Variants in DGKG observed in about 807,000 individuals in gnomAD.
DGKG encodes the protein DAG kinase gamma.
A neutral mutation model predicts 105.3 loss-of-function variants in DGKG; 78 were observed. The observed-to-expected ratio is 0.74, with a 90% confidence interval of 0.62 to 0.89. The LOEUF is 0.89. Ranked by LOEUF, DGKG falls within the 40% of genes least tolerant of loss-of-function variation. DGKG has a pLI of 0.00. For synonymous variants in DGKG, 346 were observed against 367.1 expected (o/e 0.94, Z 0.66); for missense variants, 958 against 1,020.1 (o/e 0.94, Z 0.83).
chr3:186,255,911 G>A (rs1214356553), intron 17 of DGKG, among the ~76,000 whole-genome samples: 2 of 152,098 alleles, frequency 1.3e-5, no homozygotes, highest in Non-Finnish European at 2.9e-5. Flanking sequence ...TTCTCTTTGG[G>A]TCACTAACCT....
chr3:186,279,907 C>T lies in DGKG; in HGVS notation c.736G>A (p.Val246Ile), dbSNP rs145576930. Residue 246 changes from valine (V) to isoleucine (I), a missense_variant, in exon 9 of 25, where the codon GTC becomes ATC. By Grantham distance (29) the Val-to-Ile change is conservative. Around this residue, in one of 2 missense-constraint regions of DGKG, gnomAD observed 643 missense variants for 619.5 expected, o/e 1.04. Transcript: ENST00000265022. ...GGGATGGTGGTCATCCCTCCATGGA[C>T]CCATTCCTGTAGAGACACAAAGCCG... is the stretch of plus-strand genomic sequence containing the variant. ...RDGFVSLQEWVHGGMTTIPLL... is the reference protein window; with the variant it reads ...RDGFVSLQEWIHGGMTTIPLL... The T allele has an allele frequency of 5.6e-6, 9 of 1,613,998 alleles. No individual in the cohort carries two copies. The South Asian group carries it at 6.6e-5, about 12-fold the overall frequency.
At chr3:186,283,029 C>T (rs1232619257) in intron 7 of DGKG, among the ~76,000 whole-genome samples, 1 of 151,972 alleles carries the variant, frequency 6.6e-6, no homozygotes, top group Non-Finnish European at 1.5e-5. Flanking sequence ...CTGCCTCAGC[C>T]TCCTGAGTAG....
rs544158654 is a variant in DGKG at position 186,269,586 on chromosome 3, C to T, written c.1000-669G>A. ...GGGGAGCTTTTAGACATCCTAATGC[C>T]CAGCCGACACTCCAGACCAAATAAA... On this transcript the variant is annotated intron_variant, in intron 11 of 24. Coordinates refer to ENST00000265022, the MANE Select transcript of DGKG (RefSeq NM_001346.3). Among the ~76,000 whole-genome samples the T allele has an allele frequency of 8.5e-4, 129 of 152,274 alleles. 1 individual carries two copies. The highest frequency in any genetic ancestry group is 3.0e-3 in the African/African-American group (125 of 41,542).
intron 5 of DGKG, among the ~76,000 whole-genome samples, chr3:186,289,633 G>A (rs531212984): frequency 3.6e-4 from 55 of 152,180 alleles, no homozygotes; most frequent in African/African-American, 7.2e-4. Flanking sequence ...GCTGTCTTCC[G>A]TCTCTACCTC....
intron 20 of DGKG, among the ~76,000 whole-genome samples, chr3:186,216,123 T>C (rs1719280807): frequency 6.6e-6 from 1 of 151,942 alleles, no homozygotes; most frequent in Admixed American, 6.6e-5. Flanking sequence ...CTCAGCCTCC[T>C]GAGTAGCTGG....
chr3:186,207,341 G>T, intron 21 of DGKG: 1 of 586,992 alleles, frequency 1.7e-6, no homozygotes, highest in Non-Finnish European at 2.1e-6. Flanking sequence ...GTACTGCCCC[G>T]AAACTCTCGG....
In DGKG at chr3:186,149,943, C is replaced by T. The variant is rs774391201; in HGVS notation, c.*147G>A. 23 of 1,423,688 alleles carry T rather than the reference C, an allele frequency of 1.6e-5. 1 individual carries two copies. The highest frequency in any genetic ancestry group is 1.9e-4 in the Middle Eastern group (1 of 5,200). 88.2% of individuals were successfully genotyped at this position (1,423,688 alleles called of 1,614,324 possible). A position where few individuals can be genotyped will look rare whatever the true frequency, so the allele number is the denominator to read the frequency against. On this transcript the variant is annotated 3_prime_UTR_variant, in exon 25 of 25. Coordinates refer to ENST00000265022, the MANE Select transcript of DGKG (RefSeq NM_001346.3). ...GTATGGCAAGGTGACGTTTTCTTCCCGAAGGGTGGCTTTGCTTCCACTGGT... is the reference window on the plus strand; with the variant it reads ...GTATGGCAAGGTGACGTTTTCTTCCTGAAGGGTGGCTTTGCTTCCACTGGT...
At chr3:186,222,451 C>A (rs1044060279) in intron 20 of DGKG, among the ~76,000 whole-genome samples, 1 of 152,196 alleles carries the variant, frequency 6.6e-6, no homozygotes, top group Non-Finnish European at 1.5e-5. Context: ...TGCCATGTGA[C>A]CTTGGGCAAA....
intron 22 of DGKG, among the ~76,000 whole-genome samples, chr3:186,173,557 C>T (rs962506998): frequency 7.2e-5 from 11 of 152,258 alleles, no homozygotes; most frequent in Non-Finnish European, 1.5e-4. Context: ...TCCTCGGGCT[C>T]CTCTCCTGCC....
chr3:186,331,053 A>G (rs1158640436), intron 1 of DGKG, among the ~76,000 whole-genome samples: 1 of 152,264 alleles, frequency 6.6e-6, no homozygotes, highest in Non-Finnish European at 1.5e-5. Context: ...TAGTTGGAAA[A>G]TTATAGGCTA....
intron 1 of DGKG, among the ~76,000 whole-genome samples, chr3:186,355,340 C>A (rs1401037396): frequency 1.8e-4 from 8 of 44,014 alleles, no homozygotes; most frequent in African/African-American, 6.6e-4. Context: ...ACTATCACCA[C>A]CACCAACAAC....
chr3:186,351,394 C>A (rs994899562), intron 1 of DGKG, among the ~76,000 whole-genome samples: 2 of 152,134 alleles, frequency 1.3e-5, no homozygotes, highest in African/African-American at 4.8e-5. Flanking sequence ...ACCATAATTA[C>A]CCTAACTACT....
rs188426636 is a variant in DGKG at position 186,265,700 on chromosome 3, A to G, written c.1210-394T>C. Among the ~76,000 whole-genome samples, 466 of 110,640 alleles carry G rather than the reference A, an allele frequency of 4.2e-3. 3 individuals are homozygous for G. Among genetic ancestry groups the G allele is most frequent in the African/African-American group, 0.016 (447 of 28,154 alleles). The allele number at this position is 110,640 out of a possible 152,430, so 72.6% of individuals were successfully genotyped here. ...TTTTTTTGAGACGGAGTCTCGCTCT[A>G]TTGCCAGGCTGGAGTGCAGTGGTGT... is the stretch of plus-strand genomic sequence containing the variant. On this transcript the variant is annotated intron_variant, in intron 13 of 24. Transcript: ENST00000265022.
rs1359135163 is a variant in DGKG, at chr3:186,251,823, T to A, written c.1697A>T (p.Glu566Val). ...GACCTGGTCCCCGTTTTCCACTTCCTCTCTGGGGATGACTTCCAGATGCCA... is the reference window on the plus strand; with the variant it reads ...GACCTGGTCCCCGTTTTCCACTTCCACTCTGGGGATGACTTCCAGATGCCA... ...DRWHLEVIPR[E>V]EVENGDQVPY... Residue 566 changes from glutamate to valine, a missense_variant, in exon 19 of 25, where the codon GAG (glutamate) becomes GTG (valine). Coordinates refer to ENST00000265022, the MANE Select transcript of DGKG (RefSeq NM_001346.3). 1 of 1,613,946 alleles carries A rather than the reference T, an allele frequency of 6.2e-7. No individual in the cohort carries two copies.
intron 19 of DGKG, among the ~76,000 whole-genome samples, chr3:186,246,876 A>C (rs1720968899): frequency 6.6e-6 from 1 of 152,238 alleles, no homozygotes; most frequent in Non-Finnish European, 1.5e-5. Context: ...CTCCCCTAGC[A>C]TCAGAAATAG....
chr3:186,271,583 T>G (rs189233444), intron 11 of DGKG, among the ~76,000 whole-genome samples: 6 of 152,242 alleles, frequency 3.9e-5, no homozygotes, highest in Non-Finnish European at 8.8e-5. Flanking sequence ...ATTCACAAAT[T>G]CGATCACATC....
intron 21 of DGKG, among the ~76,000 whole-genome samples, chr3:186,209,203 C>T (rs539103935): frequency 1.1e-4 from 16 of 149,936 alleles, no homozygotes; most frequent in African/African-American, 3.7e-4. Flanking sequence ...TGGGTTCAAG[C>T]GATTCTCCTG....
chr3:186,177,955 T>C (rs1189969130), intron 22 of DGKG, among the ~76,000 whole-genome samples: 1 of 152,122 alleles, frequency 6.6e-6, no homozygotes, highest in Non-Finnish European at 1.5e-5. Context: ...TATTTGGAGG[T>C]AGGCCCTTAG....
At chr3:186,278,891 C>G (rs934765513) in intron 9 of DGKG, among the ~76,000 whole-genome samples, 1 of 152,150 alleles carries the variant, frequency 6.6e-6, no homozygotes, top group Non-Finnish European at 1.5e-5. Context: ...GACTAGTAAA[C>G]GCTTAATGTC....
Sources: gnomAD v4.1 joint callset for allele counts (sites outside exome capture counted in the v4.1 genomes callset) on GRCh38, gnomAD v4.1.1 for gene constraint, gnomAD v4.1.1 regional missense constraint, MANE v1.5 for transcripts, NCBI Gene and HGNC (gene_info 2026-07-23, HGNC 2026-07-21) for gene names.